The following ADRM1 variants were observed in gnomAD, a reference collection of about 807,000 sequenced individuals.
The protein encoded by ADRM1 is proteasomal ubiquitin receptor ADRM1.
Under a neutral mutation model 40.1 loss-of-function variants are expected in ADRM1, and 2 were observed. The observed-to-expected ratio is 0.05, with a 90% CI of 0.02 to 0.16. The LOEUF (loss-of-function observed/expected upper bound fraction) is 0.16, where lower values mean the gene tolerates loss of function less well. ADRM1 is among the 10% of genes least tolerant of loss of function. The probability of loss-of-function intolerance (pLI) is 1.00; values close to 1 mark genes in which losing one functional copy is unlikely to be tolerated. For synonymous variants in ADRM1, 287 were observed against 240.4 expected (o/e 1.19, Z -1.79); for missense variants, 467 against 552.5 (o/e 0.85, Z 1.55).
chr20:62,308,458 G>A lies in ADRM1; in HGVS notation c.1105G>A (p.Ala369Thr), dbSNP rs1985491466. 5 of 1,604,578 alleles carry A rather than the reference G, an allele frequency of 3.1e-6. No homozygotes were observed. Among genetic ancestry groups the A allele is most frequent in the Admixed American group, 1.7e-5 (1 of 58,558 alleles). The change falls in exon 9 of 10, where the codon GCC becomes ACC. Residue 369 changes from alanine to threonine, a missense_variant. Ala to Thr is a moderately conservative substitution (Grantham distance 58). Around this residue, in one of 3 missense-constraint regions of ADRM1, gnomAD observed 418 missense variants for 474.6 expected, o/e 0.88. Transcript: ENST00000253003. ...FGLPAEAVEA[A>T]NKGDVEAFAK... ...TCTGCCTGCAGAGGCTGTGGAGGCC[G>A]CCAACAAGGGCGGTAAGTGGCTGCG... is the stretch of plus-strand genomic sequence containing the variant.
chr20:62,304,854 G>C (rs1984664476), intron 3 of ADRM1, among the ~76,000 whole-genome samples: 1 of 152,234 alleles, frequency 6.6e-6, no homozygotes, highest in Non-Finnish European at 1.5e-5. Flanking sequence ...ACGATGCCCA[G>C]TGCCCTCTCT....
rs1430624645 is a variant in ADRM1, at chr20:62,308,769, G to A, written c.*8G>A. 4.3e-6 allele frequency: 7 copies of A among 1,612,358 alleles called. No homozygotes were observed. Among genetic ancestry groups the A allele is most frequent in the Admixed American group, 1.7e-5 (1 of 59,914 alleles). On this transcript the variant is annotated 3_prime_UTR_variant, in exon 10 of 10. Coordinates refer to ENST00000253003, the MANE Select transcript of ADRM1 (RefSeq NM_007002.4). Reference sequence around the variant, plus strand: ...GACATGAGCCTGGACTGAGCCACGCGCCGTCCTCCGAGGAACTGGGCGCTT... The same window carrying A: ...GACATGAGCCTGGACTGAGCCACGCACCGTCCTCCGAGGAACTGGGCGCTT...
At chr20:62,306,826 C>T in intron 5 of ADRM1, 92 bp downstream of exon 5, 1 of 1,242,966 alleles carries the variant, frequency 8.0e-7, no homozygotes, top group South Asian at 1.5e-5. Flanking sequence ...CTGGCTCTGT[C>T]TGCGTAGTGT....
intron 2 of ADRM1, 74 bp downstream of exon 2, chr20:62,303,855 G>T: frequency 6.7e-7 from 1 of 1,496,814 alleles, no homozygotes; most frequent in Non-Finnish European, 9.1e-7. Flanking sequence ...TGGAGTTCGC[G>T]GTGGGGGCTT....
Position 62,307,639 on chromosome 20 carries a change from T to G in ADRM1, c.667T>G (p.Ser223Ala). ...AGCGGTCACCCCGTCATCCACCACC[T>G]CTTCCACCCGTGCCACCCCAGCCCC... ...SAAVTPSSTT[S>A]STRATPAPSA... is the part of the protein sequence containing the mutation. Residue 223 changes from serine (S) to alanine (A), a missense_variant, in exon 7 of 10, where the codon TCT (serine) becomes GCT (alanine). Physicochemically the swap from Ser to Ala is moderately conservative, Grantham distance 99. This residue lies in a region of ADRM1 where 418 missense variants were observed against 474.6 expected (regional missense o/e 0.88). Coordinates refer to ENST00000253003, the MANE Select transcript of ADRM1 (RefSeq NM_007002.4). 6.2e-7 allele frequency: 1 copy of G among 1,611,928 alleles called. No homozygotes were observed. Among genetic ancestry groups the G allele is most frequent in the South Asian group, 1.1e-5 (1 of 91,064 alleles).
rs754647959 is a variant in ADRM1, at chr20:62,308,743, G to A, written c.1206G>A (p.Glu402=). The A allele has an allele frequency of 1.9e-6, 3 of 1,609,518 alleles. No individual in the cohort carries two copies. The part of the protein sequence containing the change: ...GDTKDKKDEE[E]DMSLD ...CGAAGGACAAGAAGGACGAAGAGGA[G>A]GACATGAGCCTGGACTGAGCCACGC... Residue 402 remains glutamate, a synonymous_variant, in exon 10 of 10, where the codon GAG becomes GAA. Transcript: ENST00000253003.
chr20:62,308,288 C>G, intron 8 of ADRM1, 80 bp from the exon 9 acceptor site: 4 of 1,537,860 alleles, frequency 2.6e-6, no homozygotes, highest in East Asian at 4.7e-5. Flanking sequence ...GTGCCTGACC[C>G]GCAGAGCTGG....
At chr20:62,305,738 A>T (rs1335854169) in intron 3 of ADRM1, 1 of 183,430 alleles carries the variant, frequency 5.5e-6, no homozygotes, top group Admixed American at 5.4e-5. Context: ...ATCTGTGCAC[A>T]TGTGTGTGCA....
chr20:62,303,593 C>G lies in ADRM1; in HGVS notation c.25C>G (p.Pro9Ala), dbSNP rs779163179. The change falls in exon 2 of 10, where the codon CCA (proline) becomes GCA (alanine). Residue 9 changes from proline to alanine, a missense_variant. Physicochemically the swap from Pro to Ala is conservative, Grantham distance 27. Coordinates refer to ENST00000253003, the MANE Select transcript of ADRM1 (RefSeq NM_007002.4). MTTSGALFPSLVPGSRGAS... is the reference protein window; with the variant it reads MTTSGALFASLVPGSRGAS... ...GATGACGACCTCAGGCGCGCTCTTT[C>G]CAAGCCTGGTGCCAGGCTCTCGGGG... The G allele has an allele frequency of 6.3e-7, 1 of 1,597,824 alleles. No individual in the cohort carries two copies. Among genetic ancestry groups the G allele is most frequent in the Admixed American group, 1.8e-5 (1 of 56,794 alleles).
At chr20:62,303,483 C>T (rs1984418704) in intron 1 of ADRM1, 85 bp from the exon 2 acceptor site, 1 of 1,386,578 alleles carries the variant, frequency 7.2e-7, no homozygotes, top group Non-Finnish European at 9.7e-7. Context: ...AGGCCCCCTG[C>T]TCGCAAACAC....
Position 62,307,374 on chromosome 20 carries a change from G to C in ADRM1, c.545G>C (p.Gly182Ala), listed in dbSNP as rs1334583060. 1.9e-6 allele frequency: 3 copies of C among 1,599,604 alleles called. No homozygotes were observed. Among genetic ancestry groups the C allele is most frequent in the Non-Finnish European group, 2.6e-6 (3 of 1,176,002 alleles). ...IGPAGLGGLGGLGALTGPGLA... is the reference protein window; with the variant it reads ...IGPAGLGGLGALGALTGPGLA... ...CGCATTTCCTTGCCCCTCGCAGGTG[G>C]GCTGGGGGCCCTGACTGGACCTGGC... Residue 182 changes from glycine to alanine, a missense_variant, in exon 6 of 10, where the codon GGG (glycine) becomes GCG (alanine). Coordinates refer to ENST00000253003, the MANE Select transcript of ADRM1 (RefSeq NM_007002.4).
intron 3 of ADRM1, chr20:62,305,507 T>C (rs1360827671): frequency 6.6e-6 from 1 of 151,634 alleles, no homozygotes; most frequent in Non-Finnish European, 1.5e-5. Flanking sequence ...GAACGTGTTT[T>C]TCCACGGTTT....
At position 62,303,588 on chromosome 20, in the gene ADRM1, T is replaced by C. The variant is rs748129088; in HGVS notation, c.20T>C (p.Leu7Pro). 1 of 1,585,440 alleles carries C rather than the reference T, an allele frequency of 6.3e-7. No individual in the cohort carries two copies. Among genetic ancestry groups the C allele is most frequent in the Non-Finnish European group, 8.6e-7 (1 of 1,165,588 alleles). MTTSGA[L>P]FPSLVPGSRG... ...TTCAGGATGACGACCTCAGGCGCGCTCTTTCCAAGCCTGGTGCCAGGCTCT... is the reference window on the plus strand; with the variant it reads ...TTCAGGATGACGACCTCAGGCGCGCCCTTTCCAAGCCTGGTGCCAGGCTCT... Residue 7 changes from leucine to proline, a missense_variant, in exon 2 of 10, where the codon CTC (leucine) becomes CCC (proline). Leu to Pro is a moderately conservative substitution (Grantham distance 98). This residue lies in a region of ADRM1 where 33 missense variants were observed against 28.8 expected (regional missense o/e 1.15). Coordinates refer to ENST00000253003, the MANE Select transcript of ADRM1 (RefSeq NM_007002.4).
chr20:62,308,196 GGTGTCCTCCACT>G lies in ADRM1; in HGVS notation c.1014+23_1014+34del, dbSNP rs1416448492. On this transcript the variant is annotated intron_variant, in intron 8 of 9. Transcript: ENST00000253003. ...TCCAGCAGGTAGAGGCCGGGCCCAG[GGTGTCCTCCACT>G]GTGTGCTCAGGGAGTGGGCAGGGGG... is the stretch of plus-strand genomic sequence containing the variant. The G allele has an allele frequency of 3.8e-6, 6 of 1,594,492 alleles. No individual in the cohort carries two copies. In the African/African-American group the frequency reaches 8.0e-5, roughly 21 times the overall value.
At chr20:62,308,624 G>A (rs750009192) in intron 9 of ADRM1, 31 bp from the exon 10 acceptor site, 5 of 1,611,654 alleles carry the variant, frequency 3.1e-6, no homozygotes, top group Non-Finnish European at 4.2e-6. Flanking sequence ...GCAAGGGTTA[G>A]ACACCACCTT....
At chr20:62,308,246 C>G in intron 8 of ADRM1, 68 bp downstream of exon 8, 1 of 1,546,498 alleles carries the variant, frequency 6.5e-7, no homozygotes, top group South Asian at 1.2e-5. Context: ...GGAGGAGGCC[C>G]TGCCCCACCT....
Position 62,303,026 on chromosome 20 carries a change from C to T in ADRM1, c.-25C>T, listed in dbSNP as rs573425970. ...AAGAGCGAGCCCGGACGGCGCCTCTCGAACGAGTGTGGGCGCGAGGCAGGT... is the reference window on the plus strand; with the variant it reads ...AAGAGCGAGCCCGGACGGCGCCTCTTGAACGAGTGTGGGCGCGAGGCAGGT... On this transcript the variant is annotated 5_prime_UTR_variant, in exon 1 of 10. Transcript: ENST00000253003. 6.6e-6 allele frequency: 1 copy of T among 152,030 alleles called. No individual in the cohort carries two copies. Among genetic ancestry groups the T allele is most frequent in the Admixed American group, 6.6e-5 (1 of 15,260 alleles). The allele number at this position is 152,030 out of a possible 1,614,324, so 9.4% of individuals were successfully genotyped here.
chr20:62,308,635 G>T lies in ADRM1; in HGVS notation c.1118-20G>T, dbSNP rs779758066. The T allele has an allele frequency of 1.9e-6, 3 of 1,612,538 alleles. No homozygotes were observed. Among genetic ancestry groups the T allele is most frequent in the Non-Finnish European group, 2.5e-6 (3 of 1,179,702 alleles). On this transcript the variant is annotated intron_variant, in intron 9 of 9. Coordinates refer to ENST00000253003, the MANE Select transcript of ADRM1 (RefSeq NM_007002.4). ...CTGGGCAAGGGTTAGACACCACCTT[G>T]TGTCTTTAACGTGTTCTAGATGTGG...
chr20:62,307,663 C>T lies in ADRM1; in HGVS notation c.691C>T (p.Pro231Ser), dbSNP rs1435798905. ...TTSSTRATPA[P>S]SAPAAASATS... ...CTCTTCCACCCGTGCCACCCCAGCC[C>T]CTTCTGCTCCAGCAGCTGCCTCAGC... The change falls in exon 7 of 10, where the codon CCT (proline) becomes TCT (serine). Residue 231 changes from proline to serine, a missense_variant. By Grantham distance (74) the Pro-to-Ser change is moderately conservative (BLOSUM62 -1). Around this residue, in one of 3 missense-constraint regions of ADRM1, gnomAD observed 418 missense variants for 474.6 expected, o/e 0.88. Coordinates refer to ENST00000253003, the MANE Select transcript of ADRM1 (RefSeq NM_007002.4). 1.2e-6 allele frequency: 2 copies of T among 1,612,206 alleles called. No homozygotes were observed. Among genetic ancestry groups the T allele is most frequent in the African/African-American group, 2.7e-5 (2 of 74,928 alleles).
Sources: allele counts gnomAD v4.1 joint callset (sites outside exome capture counted in the v4.1 genomes callset), GRCh38; gene constraint gnomAD v4.1.1; regional missense constraint gnomAD v4.1.1; transcripts MANE v1.5; gene names NCBI Gene and HGNC (gene_info 2026-07-23, HGNC 2026-07-21).